DNAH9: variants seen among roughly 807,000 people sequenced by gnomAD.
DNAH9 encodes DNAH9 variant protein.
Under a neutral mutation model 471.6 loss-of-function variants are expected in DNAH9, and 345 were observed. That is an observed-to-expected ratio of 0.73 (90% CI 0.67 to 0.80). The LOEUF is 0.80. DNAH9 is among the 30% of genes least tolerant of loss of function. The pLI is 0.00. For synonymous variants in DNAH9, 2,093 were observed against 2,123.6 expected (o/e 0.99, Z 0.40); for missense variants, 5,407 against 5,609.2 (o/e 0.96, Z 1.15).
At chr17:11,883,286 C>A in intron 55 of DNAH9, 1 of 1,086,270 alleles carries the variant, frequency 9.2e-7, no homozygotes, top group Non-Finnish European at 1.1e-6. Flanking sequence ...GTTTAGTGAA[C>A]ACTGATAATG....
In DNAH9 at chr17:11,937,448, T is replaced by C. The variant is rs1255622676; in HGVS notation, c.12586T>C (p.Phe4196Leu). The C allele has an allele frequency of 1.2e-6, 2 of 1,614,084 alleles. No homozygotes were observed. The highest frequency in any genetic ancestry group is 8.5e-7 in the Non-Finnish European group (1 of 1,179,968). ...CCTGACCCAAACCTCAGAAAAGCTC[T>C]TCCGCACTGTGCTGGAGCTGCAGCC... Reference protein sequence around the residue: ...GFLTQTSEKLFRTVLELQPRD... With the variant: ...GFLTQTSEKLLRTVLELQPRD... The change falls in exon 66 of 69, where the codon TTC becomes CTC. Residue 4196 changes from phenylalanine (F) to leucine (L), a missense_variant. Coordinates refer to ENST00000262442, the MANE Select transcript of DNAH9 (RefSeq NM_001372.4). The surrounding 1 kb of genome is among the most constrained non-coding windows in gnomAD (Gnocchi z 4.1).
intron 1 of DNAH9, among the ~76,000 whole-genome samples, chr17:11,603,654 T>C: frequency 6.6e-6 from 1 of 152,178 alleles, no homozygotes; most frequent in East Asian, 1.9e-4. Flanking sequence ...AAAATCCTCC[T>C]TTCATCCCAC....
At chr17:11,815,243 A>C (rs1328800302) in intron 45 of DNAH9, among the ~76,000 whole-genome samples, 1 of 151,486 alleles carries the variant, frequency 6.6e-6, no homozygotes, top group Non-Finnish European at 1.5e-5. Context: ...CAAGTTACTC[A>C]AGAGACTTTG....
chr17:11,962,112 GGCTC>G lies in DNAH9; in HGVS notation c.13092_13095del (p.Lys4366MetfsTer14), dbSNP rs773842124. On this transcript the variant is annotated frameshift_variant, in exon 68 of 69. Transcript: ENST00000262442. LOFTEE classifies it high-confidence loss of function. This position sits in a 1 kb window ranked among gnomAD's most constrained non-coding sequence, Gnocchi z 4.1. ...TCCTGACTGCCATCATGCAGTCCAC[GGCTC>G]GCAAGAATGAGTGGCCACTGGACCA... is the stretch of plus-strand genomic sequence containing the variant. The G allele has an allele frequency of 6.2e-7, 1 of 1,614,118 alleles. No homozygotes were observed. The highest frequency in any genetic ancestry group is 8.5e-7 in the Non-Finnish European group (1 of 1,180,028).
At chr17:11,949,784 T>C (rs921205045) in intron 67 of DNAH9, among the ~76,000 whole-genome samples, 2 of 152,168 alleles carry the variant, frequency 1.3e-5, no homozygotes, top group African/African-American at 4.8e-5. Context: ...CAGCCAATGA[T>C]TTTTTATTTT....
rs111553403 is a variant in DNAH9 at position 11,756,378 on chromosome 17, C to T, written c.6739-190C>T. ...GATTCAATTGTCTCCCACTGGGTCC[C>T]TCCCACAACACATGGGAATTATGGG... is the stretch of plus-strand genomic sequence containing the variant. On this transcript the variant is annotated intron_variant, in intron 33 of 68. Transcript: ENST00000262442. 6.7e-3 allele frequency among the ~76,000 whole-genome samples: 1,018 copies of T among 152,202 alleles called. 15 individuals carry two copies. The highest frequency in any genetic ancestry group is 0.023 in the African/African-American group (965 of 41,518).
intron 49 of DNAH9, among the ~76,000 whole-genome samples, chr17:11,849,754 T>G (rs1251021993): frequency 2.0e-5 from 3 of 152,206 alleles, no homozygotes; most frequent in Non-Finnish European, 4.4e-5. Flanking sequence ...TTTTTCTCAG[T>G]ATTTAAAATA....
chr17:11,639,861 G>A (rs1332893387), intron 9 of DNAH9, among the ~76,000 whole-genome samples: 2 of 152,166 alleles, frequency 1.3e-5, no homozygotes, highest in Non-Finnish European at 2.9e-5. Context: ...AATTAGCCAC[G>A]TGTGGTGGTG....
chr17:11,657,099 G>A, intron 14 of DNAH9, among the ~76,000 whole-genome samples: 1 of 152,062 alleles, frequency 6.6e-6, no homozygotes, highest in Non-Finnish European at 1.5e-5. Context: ...AGAACTGCAG[G>A]GTCATCAGTA....
chr17:11,823,655 G>A (rs998194884), intron 48 of DNAH9, among the ~76,000 whole-genome samples: 4 of 152,186 alleles, frequency 2.6e-5, no homozygotes, highest in African/African-American at 7.2e-5. Flanking sequence ...CTGTCGGCCG[G>A]GCACGGTGGC....
intron 50 of DNAH9, among the ~76,000 whole-genome samples, chr17:11,862,694 A>C (rs544249751): frequency 3.0e-4 from 46 of 152,196 alleles, no homozygotes; most frequent in South Asian, 6.2e-4. Context: ...CTTTAATTTC[A>C]TTGAGCAGTG....
rs1329347283 is a variant in DNAH9 at position 11,689,751 on chromosome 17, G to C, written c.3929G>C (p.Gly1310Ala). The C allele has an allele frequency of 6.2e-7, 1 of 1,613,884 alleles. No individual in the cohort carries two copies. The highest frequency in any genetic ancestry group is 8.5e-7 in the Non-Finnish European group (1 of 1,179,734). Residue 1310 changes from glycine (G) to alanine (A), a missense_variant, in exon 20 of 69, where the codon GGA becomes GCA. This residue lies in a region of DNAH9 where 4,636 missense variants were observed against 4,900.3 expected (regional missense o/e 0.95). Transcript: ENST00000262442. ...CTGAAGGAGCTCTGGGACACCATTGGAATGGTGACCTCCAGCATCCATGCC... is the reference window on the plus strand; with the variant it reads ...CTGAAGGAGCTCTGGGACACCATTGCAATGGTGACCTCCAGCATCCATGCC... The part of the protein sequence containing the change: ...CQLKELWDTI[G>A]MVTSSIHAWE...
At chr17:11,961,784 A>G (rs1334944405) in intron 67 of DNAH9, 83 bp from the exon 68 acceptor site, 21 of 1,483,954 alleles carry the variant, frequency 1.4e-5, no homozygotes, top group Non-Finnish European at 1.9e-5. Context: ...CCTGGGTGCC[A>G]TGAGCCAGGG....
intron 66 of DNAH9, among the ~76,000 whole-genome samples, chr17:11,939,379 C>T (rs190377934): frequency 6.6e-6 from 1 of 152,338 alleles, no homozygotes; most frequent in East Asian, 1.9e-4. Flanking sequence ...TCCTTATCCC[C>T]TCCCCCAGCT....
chr17:11,921,078 C>T (rs1455511083), intron 61 of DNAH9, among the ~76,000 whole-genome samples: 1 of 151,422 alleles, frequency 6.6e-6, no homozygotes, highest in Non-Finnish European at 1.5e-5. Flanking sequence ...GAGGTGGAGG[C>T]TGCAGTGAGG....
At chr17:11,936,947 G>A (rs1039406368) in intron 65 of DNAH9, among the ~76,000 whole-genome samples, 3 of 152,108 alleles carry the variant, frequency 2.0e-5, no homozygotes, top group African/African-American at 7.2e-5. Flanking sequence ...GAGAAAAGAA[G>A]GAAAGGTCTG....
rs760394644 is a variant in DNAH9 at position 11,871,624 on chromosome 17, G to A, written c.10080G>A (p.Val3360=). ...TTGGAGGACTCGCTTCTGAAAACGT[G>A]AGGTGGGCAGATGCCGTGCAGAACT... The part of the protein sequence containing the change: ...RLVGGLASEN[V]RWADAVQNFK... The change falls in exon 52 of 69, where the codon GTG becomes GTA. Residue 3360 remains valine, a synonymous_variant. Transcript: ENST00000262442. The A allele has an allele frequency of 3.1e-6, 5 of 1,614,174 alleles. No individual in the cohort carries two copies. The highest frequency in any genetic ancestry group is 1.6e-4 in the Middle Eastern group (1 of 6,062).
chr17:11,793,493 C>A lies in DNAH9; in HGVS notation c.8062-10C>A. 1 of 1,598,842 alleles carries A rather than the reference C, an allele frequency of 6.3e-7. No individual in the cohort carries two copies. The highest frequency in any genetic ancestry group is 2.2e-5 in the East Asian group (1 of 44,754). On this transcript the variant is annotated splice_polypyrimidine_tract_variant and intron_variant, in intron 41 of 68. Coordinates refer to ENST00000262442, the MANE Select transcript of DNAH9 (RefSeq NM_001372.4). ...TTAACGTTATTTTTTTGTGTCTGTT[C>A]CCCTTGAAGGGCATTCTCTTCTCCT...
rs778874314 is a variant in DNAH9 at position 11,669,347 on chromosome 17, CTGCCGT to C, written c.2929-20_2929-15del. ...CCTGCCACACACTGGTGTAACCTGCCTGCCGTTGTCTCGCTTCCCCAGGTCGACCTG... is the reference window on the plus strand; with the variant it reads ...CCTGCCACACACTGGTGTAACCTGCCTGTCTCGCTTCCCCAGGTCGACCTG... On this transcript the variant is annotated splice_polypyrimidine_tract_variant and intron_variant, in intron 16 of 68. Transcript: ENST00000262442. 3.1e-6 allele frequency: 5 copies of C among 1,602,498 alleles called. No homozygotes were observed. The South Asian group carries it at 5.6e-5, about 18-fold the overall frequency.
Sources: allele counts gnomAD v4.1 joint callset (sites outside exome capture counted in the v4.1 genomes callset), GRCh38; gene constraint gnomAD v4.1.1; regional missense constraint gnomAD v4.1.1; non-coding constraint Gnocchi (gnomAD v3.1); transcripts MANE v1.5; gene names NCBI Gene and HGNC (gene_info 2026-07-23, HGNC 2026-07-21).